The following TMTC1 variants were observed in gnomAD, a reference collection of about 807,000 sequenced individuals.
TMTC1 encodes transmembrane O-mannosyltransferase targeting cadherins 1.
A neutral mutation model predicts 104.8 loss-of-function variants in TMTC1; 73 were observed. That is an observed-to-expected ratio of 0.70 (90% CI 0.58 to 0.85). The LOEUF (loss-of-function observed/expected upper bound fraction) is 0.85, where lower values mean the gene tolerates loss of function less well. Ranked by LOEUF, TMTC1 falls within the 40% of genes least tolerant of loss-of-function variation. TMTC1 has a pLI of 0.00. For missense variants in TMTC1, 1,035 were observed against 1,096.1 expected (o/e 0.94, Z 0.79); for synonymous variants, 434 against 428.7 (o/e 1.01, Z -0.15).
rs1298850119 is a variant in TMTC1 at position 29,588,322 on chromosome 12, G to A, written c.1251-4748C>T. On this transcript the variant is annotated intron_variant, in intron 7 of 17. Coordinates refer to ENST00000539277, the MANE Select transcript of TMTC1 (RefSeq NM_001193451.2). ...TCCCTGGTTCAACCTTAAAGGTATG[G>A]AGCTTTTTCTATAAATCTTATTTAT... Among the ~76,000 whole-genome samples, 4 of 152,116 alleles carry A rather than the reference G, an allele frequency of 2.6e-5. No individual in the cohort carries two copies. The East Asian group carries it at 7.7e-4, about 29-fold the overall frequency.
chr12:29,664,145 C>T (rs889472914), intron 5 of TMTC1, among the ~76,000 whole-genome samples: 5 of 150,354 alleles, frequency 3.3e-5, no homozygotes, highest in African/African-American at 1.2e-4. Flanking sequence ...CGAGATCCCG[C>T]CACTGCACTC....
At chr12:29,643,798 C>CATATTTATATATATTTATATATTTATAT (rs1939077332) in intron 5 of TMTC1, among the ~76,000 whole-genome samples, 2 of 33,434 alleles carry the variant, frequency 6.0e-5, no homozygotes, top group Non-Finnish European at 1.1e-4. Flanking sequence ...TATTTATATA[C>CATATTTATATATATTTATATATTTATAT]ATATTTATAT....
At chr12:29,663,399 C>G (rs904776649) in intron 5 of TMTC1, among the ~76,000 whole-genome samples, 1 of 152,148 alleles carries the variant, frequency 6.6e-6, no homozygotes, top group African/African-American at 2.4e-5. Context: ...CTTCTGGAAA[C>G]GTCCTTCCTC....
At chr12:29,512,011 C>A (rs769738474) in intron 17 of TMTC1, 32 bp downstream of exon 17, 2 of 1,595,218 alleles carry the variant, frequency 1.3e-6, no homozygotes, top group East Asian at 2.2e-5. Flanking sequence ...GGGGGAAAGC[C>A]CGGTCCACAT....
intron 5 of TMTC1, chr12:29,659,890 T>C (rs918181542): frequency 1.3e-6 from 2 of 1,534,986 alleles, no homozygotes; most frequent in African/African-American, 2.7e-5. Flanking sequence ...CTCGTAAGAA[T>C]GTAAGGCGAA....
chr12:29,538,459 G>A (rs1461015273), intron 10 of TMTC1, among the ~76,000 whole-genome samples: 1 of 152,026 alleles, frequency 6.6e-6, no homozygotes, highest in African/African-American at 2.4e-5. Context: ...AGGAAGGTAT[G>A]GACTTTGAAA....
intron 5 of TMTC1, among the ~76,000 whole-genome samples, chr12:29,665,102 T>G (rs570587644): frequency 6.6e-6 from 1 of 152,112 alleles, no homozygotes; most frequent in African/African-American, 2.4e-5. Context: ...TCTCACCAAC[T>G]GATGACACCA....
intron 6 of TMTC1, among the ~76,000 whole-genome samples, chr12:29,632,235 G>C (rs1938335863): frequency 6.6e-6 from 1 of 152,114 alleles, no homozygotes; most frequent in Admixed American, 6.6e-5. Flanking sequence ...AGGATGGAAA[G>C]ACCTTCAGGT....
At chr12:29,740,401 G>A (rs1195436171) in intron 5 of TMTC1, among the ~76,000 whole-genome samples, 4 of 152,068 alleles carry the variant, frequency 2.6e-5, no homozygotes, top group Non-Finnish European at 4.4e-5. Context: ...AGGCAGAAAA[G>A]CATGAAAAAG....
At chr12:29,555,644 G>A (rs1945222844) in intron 10 of TMTC1, among the ~76,000 whole-genome samples, 1 of 151,950 alleles carries the variant, frequency 6.6e-6, no homozygotes, top group African/African-American at 2.4e-5. Context: ...TCCCTGCAAA[G>A]GACATGAACT....
intron 8 of TMTC1, 25 bp from the exon 9 acceptor site, chr12:29,572,243 G>T (rs568551451): frequency 4.6e-6 from 7 of 1,531,964 alleles, no homozygotes; most frequent in East Asian, 2.3e-5. Context: ...TTTTTAAAAA[G>T]AATTATTTGA....
intron 17 of TMTC1, among the ~76,000 whole-genome samples, chr12:29,511,600 A>T (rs1212685047): frequency 6.6e-6 from 1 of 152,188 alleles, no homozygotes; most frequent in African/African-American, 2.4e-5. Flanking sequence ...CCAGTAAAAA[A>T]TTAGGGAGAA....
At chr12:29,713,161 A>G (rs1941978066) in intron 5 of TMTC1, among the ~76,000 whole-genome samples, 1 of 151,872 alleles carries the variant, frequency 6.6e-6, no homozygotes. Context: ...CTGCCTGACT[A>G]CCACCCTTGA....
At chr12:29,600,919 T>C in intron 7 of TMTC1, among the ~76,000 whole-genome samples, 1 of 152,202 alleles carries the variant, frequency 6.6e-6, no homozygotes, top group East Asian at 1.9e-4. Flanking sequence ...ATGCAGGAAC[T>C]TGGAAAGAAA....
At chr12:29,533,848 G>A (rs567860652) in intron 11 of TMTC1, 52 of 152,312 alleles carry the variant, frequency 3.4e-4, no homozygotes, top group African/African-American at 4.6e-4. Context: ...TCAGGCTGAT[G>A]TAAATACAGA....
chr12:29,570,830 CGA>C (rs10560170), intron 9 of TMTC1, among the ~76,000 whole-genome samples: 146,688 of 149,902 alleles, frequency 0.98, 71,795 homozygotes, highest in East Asian at 1. Context: ...GGTGACAGAG[CGA>C]GAGACTCCGT....
rs762457548 is a variant in TMTC1, at chr12:29,506,971, C to T, written c.2524G>A (p.Ala842Thr). 2 of 1,613,824 alleles carry T rather than the reference C, an allele frequency of 1.2e-6. No homozygotes were observed. The highest frequency in any genetic ancestry group is 1.7e-6 in the Non-Finnish European group (2 of 1,179,736). Residue 842 changes from alanine to threonine, a missense_variant, in exon 18 of 18, where the codon GCA becomes ACA. Ala to Thr is a moderately conservative substitution (Grantham distance 58). Transcript: ENST00000539277. ...AAGGCTCTCTCATAATAAGCTCTTG[C>T]AGACACATATTTTCCCTGGGGGTGG... is the stretch of plus-strand genomic sequence containing the variant. ...IQHIKGKYVSARAYYERALQL... is the reference protein window; with the variant it reads ...IQHIKGKYVSTRAYYERALQL...
At chr12:29,581,678 A>C (rs567048520) in intron 8 of TMTC1, among the ~76,000 whole-genome samples, 1 of 152,232 alleles carries the variant, frequency 6.6e-6, no homozygotes, top group African/African-American at 2.4e-5. Flanking sequence ...AAATACAACC[A>C]CTGTTAGTAC....
At chr12:29,672,236 G>T (rs970886842) in intron 5 of TMTC1, among the ~76,000 whole-genome samples, 29 of 152,102 alleles carry the variant, frequency 1.9e-4, no homozygotes, top group African/African-American at 6.5e-4. Flanking sequence ...TGTCTTTAGG[G>T]CTCATCAAGT....
Sources: gnomAD v4.1 joint callset for allele counts (sites outside exome capture counted in the v4.1 genomes callset) on GRCh38, gnomAD v4.1.1 for gene constraint, MANE v1.5 for transcripts, NCBI Gene and HGNC (gene_info 2026-07-23, HGNC 2026-07-21) for gene names.